The following ENOX2 variants were observed in gnomAD, a reference collection of about 807,000 sequenced individuals.
The protein encoded by ENOX2 is ecto-NOX disulfide-thiol exchanger 2.
ENOX2 carries 36 observed loss-of-function variants against 45.0 expected under a neutral mutation model. That is an observed-to-expected ratio of 0.80 (90% CI 0.61 to 1.06). The LOEUF is 1.06. ENOX2 is among the 50% of genes least tolerant of loss of function. The probability of loss-of-function intolerance (pLI) is 0.00; values close to 1 mark genes in which losing one functional copy is unlikely to be tolerated. For synonymous variants in ENOX2, 174 were observed against 152.3 expected, an observed-to-expected ratio of 1.14 and a Z score of -1.05; for missense variants, 423 against 462.5, an observed-to-expected ratio of 0.91 and a Z score of 0.78.
chrX:130,646,371 C>CTTTT, intron 10 of ENOX2: 1 of 234,381 alleles, frequency 4.3e-6, no homozygotes, highest in Non-Finnish European at 7.8e-6. Context: ...GGAGGCCCCA[C>CTTTT]TGAAGAACTC....
intron 9 of ENOX2, among the ~76,000 whole-genome samples, chrX:130,658,098 A>C (rs778534966): frequency 5.4e-4 from 60 of 112,106 alleles, no homozygotes; most frequent in African/African-American, 1.8e-3. Context: ...TTTAAAAAAA[A>C]TCTCTATTCC....
intron 6 of ENOX2, among the ~76,000 whole-genome samples, chrX:130,670,621 T>G (rs1180999501): frequency 9.1e-6 from 1 of 110,340 alleles, no homozygotes; most frequent in Non-Finnish European, 1.9e-5. Context: ...AGAGTGTCCA[T>G]TATACTATCA....
intron 2 of ENOX2, among the ~76,000 whole-genome samples, chrX:130,797,254 G>T (rs1012310064): frequency 1.3e-4 from 14 of 111,451 alleles, no homozygotes; most frequent in Non-Finnish European, 2.6e-4. Context: ...CATTGTACCA[G>T]GCAAAGTCAG....
At chrX:130,839,493 G>A (rs2077979239) in intron 2 of ENOX2, among the ~76,000 whole-genome samples, 1 of 111,476 alleles carries the variant, frequency 9.0e-6, no homozygotes, top group African/African-American at 3.3e-5. Flanking sequence ...GAATAGCCCG[G>A]GAAAAATGGG....
At chrX:130,646,232 G>C in intron 10 of ENOX2, 1 of 449,138 alleles carries the variant, frequency 2.2e-6, no homozygotes, top group Non-Finnish European at 4.1e-6. Flanking sequence ...GTCAAATGCA[G>C]GACCTCATCC....
chrX:130,747,413 C>A (rs978983969), intron 3 of ENOX2, among the ~76,000 whole-genome samples: 3 of 111,991 alleles, frequency 2.7e-5, no homozygotes, highest in Non-Finnish European at 5.6e-5. Context: ...CAGCATAAGA[C>A]CCTTTCAACA....
intron 2 of ENOX2, among the ~76,000 whole-genome samples, chrX:130,863,994 T>A (rs1026207811): frequency 9.0e-6 from 1 of 111,070 alleles, no homozygotes; most frequent in Non-Finnish European, 1.9e-5. Context: ...GGGTTTGTAG[T>A]TGTAAGAGTC....
At chrX:130,697,730 T>C (rs1485922390) in intron 4 of ENOX2, among the ~76,000 whole-genome samples, 1 of 111,974 alleles carries the variant, frequency 8.9e-6, no homozygotes, top group East Asian at 2.8e-4. Flanking sequence ...AATAAGCAAA[T>C]AGTTTGACTC....
At chrX:130,867,662 A>T (rs898522122) in intron 2 of ENOX2, among the ~76,000 whole-genome samples, 1 of 112,041 alleles carries the variant, frequency 8.9e-6, no homozygotes, top group Non-Finnish European at 1.9e-5. Flanking sequence ...GGTGGCAGAT[A>T]CGTGTTCCAA....
intron 3 of ENOX2, among the ~76,000 whole-genome samples, chrX:130,767,318 C>A (rs2039640099): frequency 8.9e-6 from 1 of 111,824 alleles, no homozygotes; most frequent in South Asian, 3.7e-4. Flanking sequence ...GTATACCTAT[C>A]AACTAAAACA....
intron 3 of ENOX2, among the ~76,000 whole-genome samples, chrX:130,774,820 G>A (rs1173289417): frequency 8.9e-6 from 1 of 112,273 alleles, no homozygotes; most frequent in Non-Finnish European, 1.9e-5. Flanking sequence ...TGTAACACAT[G>A]TGTACTAGAA....
At chrX:130,789,164 C>T (rs1161844468) in intron 2 of ENOX2, among the ~76,000 whole-genome samples, 1 of 112,516 alleles carries the variant, frequency 8.9e-6, no homozygotes, top group African/African-American at 3.2e-5. Flanking sequence ...ATACTCCAAT[C>T]TGCAGGTCAA....
chrX:130,809,015 C>A (rs926231275), intron 2 of ENOX2, among the ~76,000 whole-genome samples: 6 of 111,929 alleles, frequency 5.4e-5, no homozygotes, highest in African/African-American at 2.0e-4. Flanking sequence ...AAAGTCTGGT[C>A]AATATTTTCT....
chrX:130,875,784 GA>G lies in ENOX2; in HGVS notation c.-183+25899del, dbSNP rs771403860. 7.0e-4 allele frequency among the ~76,000 whole-genome samples: 78 copies of G among 111,038 alleles called. 2 individuals are homozygous for G. Among genetic ancestry groups the G allele is most frequent in the African/African-American group, 2.4e-3 (73 of 30,608 alleles). ...TGATACCAAAACAGAAGCAACAAAA[GA>G]AAAAAAGATAACTGTGCTTTATCAA... is the stretch of plus-strand genomic sequence containing the variant. On this transcript the variant is annotated intron_variant, in intron 2 of 14. Coordinates refer to ENST00000394363, the MANE Select transcript of ENOX2 (RefSeq NM_006375.4).
intron 2 of ENOX2, among the ~76,000 whole-genome samples, chrX:130,884,326 C>T (rs1351612113): frequency 8.9e-6 from 1 of 112,205 alleles, no homozygotes; most frequent in East Asian, 2.8e-4. Context: ...ATATTCATTA[C>T]CATCTTAAAG....
intron 4 of ENOX2, among the ~76,000 whole-genome samples, chrX:130,689,368 A>G (rs1014309636): frequency 9.0e-6 from 1 of 111,339 alleles, no homozygotes; most frequent in African/African-American, 3.3e-5. Context: ...TCCCTTGTAC[A>G]TGTTTTCTTT....
intron 2 of ENOX2, among the ~76,000 whole-genome samples, chrX:130,789,747 G>A (rs768156801): frequency 1.8e-5 from 2 of 112,272 alleles, no homozygotes; most frequent in Non-Finnish European, 3.8e-5. Flanking sequence ...CTCCAAATTT[G>A]TTTTCAATTC....
intron 2 of ENOX2, among the ~76,000 whole-genome samples, chrX:130,799,392 G>A (rs904973067): frequency 8.9e-6 from 1 of 112,051 alleles, no homozygotes; most frequent in African/African-American, 3.2e-5. Context: ...GGGACTCAGA[G>A]TGGCTTCCCT....
At chrX:130,782,762 T>G (rs2076915239) in intron 3 of ENOX2, among the ~76,000 whole-genome samples, 5 of 110,738 alleles carry the variant, frequency 4.5e-5, no homozygotes, top group Admixed American at 1.9e-4. Context: ...TGAATAACCA[T>G]GCAACAAAGA....
Sources: gnomAD v4.1 joint callset for allele counts (sites outside exome capture counted in the v4.1 genomes callset) on GRCh38, gnomAD v4.1.1 for gene constraint, MANE v1.5 for transcripts, NCBI Gene and HGNC (gene_info 2026-07-23, HGNC 2026-07-21) for gene names.